BICC1: variants seen among roughly 807,000 people sequenced by gnomAD.
BICC1 encodes the protein protein bicaudal C homolog 1.
BICC1 carries 43 observed loss-of-function variants against 111.0 expected under a neutral mutation model. The observed-to-expected ratio is 0.39, with a 90% CI of 0.30 to 0.50. BICC1 has a LOEUF of 0.50. BICC1 is among the 20% of genes least tolerant of loss of function. The pLI, the probability that BICC1 is intolerant of heterozygous loss-of-function variation, is 0.88. For missense variants in BICC1, 1,091 were observed against 1,203.2 expected (o/e 0.91, Z 1.38); for synonymous variants, 467 against 434.4 (o/e 1.07, Z -0.93).
chr10:58,681,915 G>C (rs532575942), intron 2 of BICC1, among the ~76,000 whole-genome samples: 2 of 151,492 alleles, frequency 1.3e-5, no homozygotes, highest in Non-Finnish European at 2.9e-5. Context: ...TGTGCACAAC[G>C]TGCAGGTTTG....
At chr10:58,526,522 G>A (rs191942691) in intron 1 of BICC1, among the ~76,000 whole-genome samples, 1 of 152,126 alleles carries the variant, frequency 6.6e-6, no homozygotes, top group African/African-American at 2.4e-5. Context: ...TTGGTGTGCT[G>A]CACCCATTAA....
intron 2 of BICC1, among the ~76,000 whole-genome samples, chr10:58,698,954 T>A (rs1037638244): frequency 3.9e-5 from 6 of 152,204 alleles, no homozygotes; most frequent in Non-Finnish European, 8.8e-5. Context: ...AAATAAAGGA[T>A]GTCTGCAAAG....
At chr10:58,777,260 C>T (rs1842772923) in intron 3 of BICC1, among the ~76,000 whole-genome samples, 1 of 152,020 alleles carries the variant, frequency 6.6e-6, no homozygotes. Context: ...AATCTTAACA[C>T]AAACTGGCAT....
intron 1 of BICC1, among the ~76,000 whole-genome samples, chr10:58,560,015 G>T (rs1193105680): frequency 6.6e-6 from 1 of 151,362 alleles, no homozygotes; most frequent in Non-Finnish European, 1.5e-5. Flanking sequence ...GTTTTGGCTT[G>T]CAGTATTCTT....
intron 1 of BICC1, among the ~76,000 whole-genome samples, chr10:58,550,715 C>A (rs1356346639): frequency 6.6e-6 from 1 of 151,932 alleles, no homozygotes; most frequent in Non-Finnish European, 1.5e-5. Flanking sequence ...CATTGAATCG[C>A]CTTTCTGTGT....
chr10:58,666,080 T>A (rs557836732), intron 2 of BICC1, among the ~76,000 whole-genome samples: 1 of 152,200 alleles, frequency 6.6e-6, no homozygotes, highest in African/African-American at 2.4e-5. Context: ...AATTGAGCAA[T>A]GAATGATTTG....
chr10:58,719,204 A>G (rs1840858961), intron 3 of BICC1, among the ~76,000 whole-genome samples: 1 of 152,212 alleles, frequency 6.6e-6, no homozygotes, highest in African/African-American at 2.4e-5. Context: ...GAGGTGCCAA[A>G]ATAGCACCTT....
intron 2 of BICC1, among the ~76,000 whole-genome samples, chr10:58,692,848 TG>T (rs1291619383): frequency 2.5e-3 from 336 of 134,034 alleles, no homozygotes; most frequent in African/African-American, 0.01. Context: ...TTTTTTTTTT[TG>T]ATTTTTTTTT....
In BICC1 at chr10:58,569,986, G is replaced by A. The variant is rs369003301; in HGVS notation, c.191-50869G>A. Among the ~76,000 whole-genome samples, 5 of 152,256 alleles carry A rather than the reference G, an allele frequency of 3.3e-5. No homozygotes were observed. The East Asian group carries it at 9.7e-4, about 29-fold the overall frequency. On this transcript the variant is annotated intron_variant, in intron 1 of 20. Transcript: ENST00000373886. ...TGCCACACTGTCTTCCACAATGGTTGAACTAATTTACACTCCCAACAACAG... is the reference window on the plus strand; with the variant it reads ...TGCCACACTGTCTTCCACAATGGTTAAACTAATTTACACTCCCAACAACAG...
intron 20 of BICC1, among the ~76,000 whole-genome samples, chr10:58,824,575 G>T (rs902606876): frequency 6.6e-6 from 1 of 152,090 alleles, no homozygotes; most frequent in Middle Eastern, 3.2e-3. Flanking sequence ...TTAACACCAT[G>T]CAGTCTGTTA....
chr10:58,772,435 T>C (rs1842644424), intron 3 of BICC1, among the ~76,000 whole-genome samples: 1 of 152,206 alleles, frequency 6.6e-6, no homozygotes, highest in African/African-American at 2.4e-5. Flanking sequence ...TCCTATTGAT[T>C]AGCATTCACG....
intron 2 of BICC1, among the ~76,000 whole-genome samples, chr10:58,632,731 A>G (rs1286532345): frequency 6.6e-6 from 1 of 152,168 alleles, no homozygotes; most frequent in Non-Finnish European, 1.5e-5. Context: ...TGGAGACAAA[A>G]TAGGCATTTC....
Position 58,619,910 on chromosome 10 carries a change from G to A in BICC1, c.191-945G>A, listed in dbSNP as rs190732407. Among the ~76,000 whole-genome samples the A allele has an allele frequency of 2.6e-4, 40 of 152,320 alleles. 1 individual carries two copies. Among genetic ancestry groups the A allele is most frequent in the Non-Finnish European group, 1.5e-5 (1 of 68,024 alleles). ...CACTTCTGCACACAAACATGGCTGT[G>A]CTGAGGTATTACCTAGCAGGTGTTT... On this transcript the variant is annotated intron_variant, in intron 1 of 20. Coordinates refer to ENST00000373886, the MANE Select transcript of BICC1 (RefSeq NM_001080512.3).
At chr10:58,592,175 G>T (rs919772879) in intron 1 of BICC1, among the ~76,000 whole-genome samples, 2 of 152,064 alleles carry the variant, frequency 1.3e-5, no homozygotes, top group African/African-American at 4.8e-5. Flanking sequence ...ACGGTTTTTT[G>T]TTATGTGTTG....
chr10:58,820,434 T>C lies in BICC1; in HGVS notation c.2760T>C (p.Phe920=), dbSNP rs1194404983. 1.2e-6 allele frequency: 2 copies of C among 1,611,770 alleles called. No individual in the cohort carries two copies. Among genetic ancestry groups the C allele is most frequent in the East Asian group, 2.2e-5 (1 of 44,840 alleles). The change falls in exon 20 of 21, where the codon TTT becomes TTC. Residue 920 remains phenylalanine (F), a synonymous_variant. Coordinates refer to ENST00000373886, the MANE Select transcript of BICC1 (RefSeq NM_001080512.3). The part of the protein sequence containing the change: ...QDLKELGITT[F]GARRKMLLAI... ...TGAAGGAGCTGGGAATAACTACTTTTGGTGCCAGGAGGAAAATGCTGCTTG... is the reference window on the plus strand; with the variant it reads ...TGAAGGAGCTGGGAATAACTACTTTCGGTGCCAGGAGGAAAATGCTGCTTG...
intron 3 of BICC1, among the ~76,000 whole-genome samples, chr10:58,771,240 A>T (rs932012127): frequency 2.6e-5 from 4 of 152,180 alleles, no homozygotes; most frequent in African/African-American, 4.8e-5. Flanking sequence ...GCTGTCATGG[A>T]TATGCTAAGG....
intron 2 of BICC1, among the ~76,000 whole-genome samples, chr10:58,657,808 ATT>A (rs58739782): frequency 6.6e-5 from 10 of 152,034 alleles, no homozygotes; most frequent in Non-Finnish European, 8.8e-5. Context: ...GATCACTCAT[ATT>A]TTTTTTTCTT....
At chr10:58,534,674 A>G (rs756116628) in intron 1 of BICC1, among the ~76,000 whole-genome samples, 8 of 151,702 alleles carry the variant, frequency 5.3e-5, no homozygotes, top group Non-Finnish European at 1.2e-4. Flanking sequence ...TTCTGGCAAT[A>G]TGAAAAAACA....
chr10:58,620,449 A>G (rs536665659), intron 1 of BICC1, among the ~76,000 whole-genome samples: 6 of 152,370 alleles, frequency 3.9e-5, no homozygotes, highest in Non-Finnish European at 7.3e-5. Context: ...AAATGGAAAC[A>G]GCTCAGAAGT....
Sources: allele counts gnomAD v4.1 joint callset (sites outside exome capture counted in the v4.1 genomes callset), GRCh38; gene constraint gnomAD v4.1.1; transcripts MANE v1.5; gene names NCBI Gene and HGNC (gene_info 2026-07-23, HGNC 2026-07-21).